MCPH1: variants seen among roughly 807,000 people sequenced by gnomAD.
MCPH1 encodes the protein microcephalin 1, also known as microcephalin.
MCPH1 carries 104 observed loss-of-function variants against 84.5 expected under a neutral mutation model. The ratio of observed to expected loss-of-function variants is 1.23; its 90% CI spans 1.05 to 1.45. The LOEUF is 1.45. MCPH1 is among the 40% of genes most tolerant of loss of function. The pLI, the probability that MCPH1 is intolerant of heterozygous loss-of-function variation, is 0.00. For synonymous variants in MCPH1, 514 were observed against 366.8 expected, an observed-to-expected ratio of 1.40 and a Z score of -4.58; for missense variants, 1,498 against 1,005.7, an observed-to-expected ratio of 1.49 and a Z score of -6.62.
chr8:6,612,491 A>C (rs1005588175), intron 12 of MCPH1, among the ~76,000 whole-genome samples: 17 of 151,984 alleles, frequency 1.1e-4, no homozygotes, highest in African/African-American at 4.1e-4. Context: ...GCTAGTCCAC[A>C]TCCTCCCCGA....
chr8:6,492,084 G>A (rs1810665530), intron 11 of MCPH1, among the ~76,000 whole-genome samples: 1 of 152,218 alleles, frequency 6.6e-6, no homozygotes, highest in Non-Finnish European at 1.5e-5. Context: ...CTAGTTTACA[G>A]TCCCACTAGC....
At position 6,647,092 on chromosome 8, in the gene MCPH1, CAT is replaced by C. The variant is rs1798251290; in HGVS notation, c.*4045_*4046del. 1 of 151,854 alleles carries C rather than the reference CAT, an allele frequency of 6.6e-6. No homozygotes were observed. The highest frequency in any genetic ancestry group is 1.5e-5 in the Non-Finnish European group (1 of 67,994). The allele number at this position is 151,854 out of a possible 1,614,324, so 9.4% of individuals were successfully genotyped here. A position where few individuals can be genotyped will look rare whatever the true frequency, so the allele number is the denominator to read the frequency against. On this transcript the variant is annotated 3_prime_UTR_variant, in exon 14 of 14. Coordinates refer to ENST00000344683, the MANE Select transcript of MCPH1 (RefSeq NM_024596.5). ...TTGTACCCAGACCATGTAAAGAACT[CAT>C]AACTCATTAATAAAAGGATAAAGAA...
rs555923855 is a variant in MCPH1 at position 6,513,934 on chromosome 8, A to C, written c.2214+14005A>C. Reference sequence around the variant, plus strand: ...TAGTCCGTCAACTTAACATAGAATAACTATCAAATAGCAGAAATTCCTTCT... The same window carrying C: ...TAGTCCGTCAACTTAACATAGAATACCTATCAAATAGCAGAAATTCCTTCT... On this transcript the variant is annotated intron_variant, in intron 12 of 13. Transcript: ENST00000344683. 64 of 1,221,336 alleles carry C rather than the reference A, an allele frequency of 5.2e-5. No individual in the cohort carries two copies. In the African/African-American group the frequency reaches 9.4e-4, roughly 18 times the overall value. 75.7% of individuals were successfully genotyped at this position (1,221,336 alleles called of 1,614,324 possible). A position where few individuals can be genotyped will look rare whatever the true frequency, so the allele number is the denominator to read the frequency against.
chr8:6,554,617 CTA>C (rs1314116541), intron 12 of MCPH1, among the ~76,000 whole-genome samples: 1 of 152,128 alleles, frequency 6.6e-6, no homozygotes, highest in African/African-American at 2.4e-5. Flanking sequence ...TAAATATCAA[CTA>C]TGAATATTTT....
chr8:6,549,281 AAAG>A (rs1823162359), intron 12 of MCPH1, among the ~76,000 whole-genome samples: 1 of 152,266 alleles, frequency 6.6e-6, no homozygotes, highest in African/African-American at 2.4e-5. Flanking sequence ...CGGTGATGGA[AAAG>A]AAGAAACTTT....
chr8:6,555,453 G>T (rs1824430065), intron 12 of MCPH1, among the ~76,000 whole-genome samples: 1 of 149,946 alleles, frequency 6.7e-6, no homozygotes, highest in African/African-American at 2.5e-5. Context: ...GTTTTACGGG[G>T]GGTGGTTTGC....
chr8:6,635,672 C>G (rs772168355), intron 13 of MCPH1, among the ~76,000 whole-genome samples: 1 of 152,170 alleles, frequency 6.6e-6, no homozygotes, highest in African/African-American at 2.4e-5. Context: ...AAGGAGCTGT[C>G]GGTTCTAAGA....
At chr8:6,437,387 C>T (rs758993257) in intron 5 of MCPH1, among the ~76,000 whole-genome samples, 5 of 152,020 alleles carry the variant, frequency 3.3e-5, no homozygotes, top group Non-Finnish European at 7.4e-5. Context: ...CGTACCACCA[C>T]GCCCAGCTGA....
intron 12 of MCPH1, among the ~76,000 whole-genome samples, chr8:6,605,299 G>A (rs1370206148): frequency 5.3e-5 from 8 of 152,278 alleles, no homozygotes; most frequent in Admixed American, 2.0e-4. Context: ...CTCCCTGCCT[G>A]TACTCCTGTT....
intron 12 of MCPH1, among the ~76,000 whole-genome samples, chr8:6,606,441 C>G (rs1304684584): frequency 6.6e-6 from 1 of 152,188 alleles, no homozygotes; most frequent in African/African-American, 2.4e-5. Flanking sequence ...AAAAACCTAA[C>G]CTATATATGG....
Position 6,599,081 on chromosome 8 carries a change from C to G in MCPH1, c.2215-22373C>G, listed in dbSNP as rs145318650. Among the ~76,000 whole-genome samples the G allele has an allele frequency of 2.6e-3, 389 of 152,306 alleles. 1 individual carries two copies. Among genetic ancestry groups the G allele is most frequent in the African/African-American group, 8.9e-3 (369 of 41,564 alleles). On this transcript the variant is annotated intron_variant, in intron 12 of 13. Transcript: ENST00000344683. ...TAAAAGTCCTGATAAAAGTGAAAATCCGAGGCGCGCCTGGGAAGTGGGAAT... is the reference window on the plus strand; with the variant it reads ...TAAAAGTCCTGATAAAAGTGAAAATGCGAGGCGCGCCTGGGAAGTGGGAAT...
Position 6,645,630 on chromosome 8 carries a change from C to A in MCPH1, c.*2581C>A, listed in dbSNP as rs1429746438. 2.1e-5 allele frequency: 3 copies of A among 142,510 alleles called. No individual in the cohort carries two copies. The highest frequency in any genetic ancestry group is 3.0e-5 in the Non-Finnish European group (2 of 66,278). The allele number at this position is 142,510 out of a possible 1,614,324, so 8.8% of individuals were successfully genotyped here. ...GCAAAAAAAAAAAAAAAAAAAAGCC[C>A]TACAAGAACTTATAACAAGTTTAGC... On this transcript the variant is annotated 3_prime_UTR_variant, in exon 14 of 14. Transcript: ENST00000344683.
At chr8:6,640,077 TG>T (rs1797833237) in intron 13 of MCPH1, among the ~76,000 whole-genome samples, 1 of 144,144 alleles carries the variant, frequency 6.9e-6, no homozygotes, top group Admixed American at 6.9e-5. Flanking sequence ...TGTGTGTGTG[TG>T]TGTGTGTGTG....
intron 12 of MCPH1, among the ~76,000 whole-genome samples, chr8:6,510,227 G>A (rs1428329160): frequency 1.3e-5 from 2 of 151,694 alleles, no homozygotes; most frequent in Non-Finnish European, 2.9e-5. Flanking sequence ...TTGGCAGATG[G>A]TTCAGGACAG....
chr8:6,580,180 G>C (rs565461075), intron 12 of MCPH1, among the ~76,000 whole-genome samples: 59 of 152,316 alleles, frequency 3.9e-4, no homozygotes, highest in Non-Finnish European at 7.5e-4. Flanking sequence ...CTGGGGAATG[G>C]TCTGAGCATA....
chr8:6,516,430 G>A (rs935829272), intron 12 of MCPH1, among the ~76,000 whole-genome samples: 5 of 152,270 alleles, frequency 3.3e-5, no homozygotes, highest in African/African-American at 4.8e-5. Context: ...AGGTCTCTTT[G>A]ATTCCTGTTA....
At chr8:6,450,661 A>G (rs1379854750) in intron 8 of MCPH1, among the ~76,000 whole-genome samples, 8 of 151,978 alleles carry the variant, frequency 5.3e-5, no homozygotes, top group Admixed American at 1.3e-4. Flanking sequence ...GATGTCACCG[A>G]TAACCACTCA....
intron 5 of MCPH1, among the ~76,000 whole-genome samples, chr8:6,436,598 T>C (rs1178880177): frequency 6.6e-6 from 1 of 151,894 alleles, no homozygotes; most frequent in East Asian, 1.9e-4. Context: ...TAGAATATTA[T>C]GTTCTATAAC....
At chr8:6,583,172 T>C (rs1044471447) in intron 12 of MCPH1, among the ~76,000 whole-genome samples, 2 of 152,228 alleles carry the variant, frequency 1.3e-5, no homozygotes, top group Non-Finnish European at 2.9e-5. Context: ...TTGTTTTTTT[T>C]TCAGAGTGAT....
Sources: allele counts gnomAD v4.1 joint callset (sites outside exome capture counted in the v4.1 genomes callset), GRCh38; gene constraint gnomAD v4.1.1; transcripts MANE v1.5; gene names NCBI Gene and HGNC (gene_info 2026-07-23, HGNC 2026-07-21).